The following PDZD2 variants were observed in gnomAD, a reference collection of about 807,000 sequenced individuals.
PDZD2 encodes PDZ domain-containing protein 2.
A neutral mutation model predicts 220.7 loss-of-function variants in PDZD2; 90 were observed. The observed-to-expected ratio is 0.41, with a 90% CI of 0.34 to 0.49. The LOEUF is 0.49. Ranked by LOEUF, PDZD2 falls within the 20% of genes least tolerant of loss-of-function variation. The pLI is 0.28. For synonymous variants in PDZD2, 1,375 were observed against 1,450.5 expected (o/e 0.95, Z 1.18); for missense variants, 3,174 against 3,608.5 (o/e 0.88, Z 3.08).
intron 2 of PDZD2, among the ~76,000 whole-genome samples, chr5:31,870,180 G>A (rs757432616): frequency 2.0e-5 from 3 of 152,046 alleles, no homozygotes; most frequent in East Asian, 1.9e-4. Context: ...GTACCATACC[G>A]TCTGAGTCAC....
At chr5:31,996,151 G>A (rs1751614335) in intron 4 of PDZD2, among the ~76,000 whole-genome samples, 1 of 152,128 alleles carries the variant, frequency 6.6e-6, no homozygotes, top group South Asian at 2.1e-4. Context: ...CATGCACTGG[G>A]GCTCCACTTG....
intron 17 of PDZD2, among the ~76,000 whole-genome samples, chr5:32,073,179 A>G (rs1581425114): frequency 1.3e-5 from 2 of 152,168 alleles, no homozygotes; most frequent in Admixed American, 1.3e-4. Flanking sequence ...GAGGCAGGCG[A>G]CGACCACTCT....
At chr5:31,716,455 T>TGTG (rs1282619309) in intron 1 of PDZD2, among the ~76,000 whole-genome samples, 2 of 152,024 alleles carry the variant, frequency 1.3e-5, no homozygotes, top group East Asian at 3.9e-4. Context: ...ATGTCTTTAT[T>TGTG]GTGGTTTTTG....
Position 31,962,534 on chromosome 5 carries a change from G to A in PDZD2, c.477-20621G>A, listed in dbSNP as rs182381916. 5.3e-5 allele frequency among the ~76,000 whole-genome samples: 8 copies of A among 152,324 alleles called. No homozygotes were observed. In the East Asian group the frequency reaches 1.5e-3, roughly 29 times the overall value. ...GAACCCCGTGGTTGAGTGGTGCTCT[G>A]CCCTTGGCAGTGCAGTGTCCTGGGC... On this transcript the variant is annotated intron_variant, in intron 2 of 24. Transcript: ENST00000438447.
At position 31,799,174 on chromosome 5, in the gene PDZD2, G is replaced by C; in HGVS notation, c.-75G>C. The C allele has an allele frequency of 1.0e-6, 1 of 960,822 alleles. No individual in the cohort carries two copies. The allele number at this position is 960,822 out of a possible 1,614,324, so 59.5% of individuals were successfully genotyped here. ...AGCTGATGATGGCCAGGGACCCCAGGGGACGTGGGGCCCTGTGGGGTCTGG... is the reference window on the plus strand; with the variant it reads ...AGCTGATGATGGCCAGGGACCCCAGCGGACGTGGGGCCCTGTGGGGTCTGG... On this transcript the variant is annotated 5_prime_UTR_variant, in exon 2 of 25. Transcript: ENST00000438447.
At chr5:31,918,526 C>T (rs1561073389) in intron 2 of PDZD2, among the ~76,000 whole-genome samples, 1 of 152,218 alleles carries the variant, frequency 6.6e-6, no homozygotes, top group Non-Finnish European at 1.5e-5. Flanking sequence ...CAGAAAAAGA[C>T]ACCTGGTGTT....
At chr5:31,641,358 A>G (rs1744939272) in intron 1 of PDZD2, among the ~76,000 whole-genome samples, 1 of 152,196 alleles carries the variant, frequency 6.6e-6, no homozygotes, top group Non-Finnish European at 1.5e-5. Context: ...TTTTGGGAGT[A>G]TGGAGGAAAA....
intron 14 of PDZD2, among the ~76,000 whole-genome samples, chr5:32,065,221 C>T (rs1740111650): frequency 6.6e-6 from 1 of 152,096 alleles, no homozygotes; most frequent in South Asian, 2.1e-4. Flanking sequence ...ATCACTTGTA[C>T]CTGCGAGGTG....
chr5:31,816,081 G>A (rs1375425771), intron 2 of PDZD2, among the ~76,000 whole-genome samples: 2 of 152,058 alleles, frequency 1.3e-5, no homozygotes, highest in African/African-American at 4.8e-5. Context: ...GAGGTCAGGA[G>A]ATCAAGACCA....
intron 2 of PDZD2, among the ~76,000 whole-genome samples, chr5:31,829,049 T>TG (rs1429753602): frequency 6.6e-6 from 1 of 152,230 alleles, no homozygotes; most frequent in African/African-American, 2.4e-5. Flanking sequence ...AGAGAGCTGT[T>TG]GGACAGGTCA....
intron 10 of PDZD2, among the ~76,000 whole-genome samples, chr5:32,056,567 A>C (rs1029088120): frequency 1.3e-5 from 2 of 152,170 alleles, no homozygotes; most frequent in Non-Finnish European, 2.9e-5. Context: ...AGTCAACAGG[A>C]TGTCCAAGTT....
chr5:31,981,172 T>A (rs553506985), intron 2 of PDZD2, among the ~76,000 whole-genome samples: 1 of 152,344 alleles, frequency 6.6e-6, no homozygotes, highest in South Asian at 2.1e-4. Flanking sequence ...TGCCTGTTTT[T>A]GTACATGTAA....
At chr5:31,771,422 G>T (rs1316034726) in intron 1 of PDZD2, among the ~76,000 whole-genome samples, 1 of 152,168 alleles carries the variant, frequency 6.6e-6, no homozygotes, top group African/African-American at 2.4e-5. Context: ...GGGCTGATGG[G>T]AGTGTTTTCG....
At chr5:32,025,155 G>A (rs1246114228) in intron 6 of PDZD2, among the ~76,000 whole-genome samples, 3 of 152,208 alleles carry the variant, frequency 2.0e-5, no homozygotes, top group Non-Finnish European at 4.4e-5. Flanking sequence ...GAAAAAGAAG[G>A]AAGGAAAGAA....
chr5:31,696,605 T>G (rs1747390232), intron 1 of PDZD2, among the ~76,000 whole-genome samples: 1 of 152,092 alleles, frequency 6.6e-6, no homozygotes. Context: ...CCTGGCCACC[T>G]CTCCTTAATT....
chr5:32,011,671 C>G (rs1180645589), intron 6 of PDZD2, among the ~76,000 whole-genome samples: 1 of 152,152 alleles, frequency 6.6e-6, no homozygotes, highest in African/African-American at 2.4e-5. Context: ...TCCCACTCTC[C>G]TGAACCTAGG....
intron 20 of PDZD2, 103 bp downstream of exon 20, chr5:32,091,278 ACT>A (rs2111565450): frequency 1.5e-4 from 79 of 539,432 alleles, no homozygotes; most frequent in South Asian, 2.0e-4. Context: ...GTTCCCACTT[ACT>A]TTTTTTTTTT....
At chr5:31,726,544 T>C (rs1749151673) in intron 1 of PDZD2, among the ~76,000 whole-genome samples, 1 of 152,096 alleles carries the variant, frequency 6.6e-6, no homozygotes, top group Non-Finnish European at 1.5e-5. Context: ...AAAAAGTATA[T>C]TACCCAGCAC....
chr5:31,818,890 AT>A (rs981853007), intron 2 of PDZD2, among the ~76,000 whole-genome samples: 5 of 152,134 alleles, frequency 3.3e-5, no homozygotes, highest in Non-Finnish European at 7.4e-5. Context: ...AACAGATATA[AT>A]TTTTTGTTTC....
Sources: gnomAD v4.1 joint callset for allele counts (sites outside exome capture counted in the v4.1 genomes callset) on GRCh38, gnomAD v4.1.1 for gene constraint, MANE v1.5 for transcripts, NCBI Gene and HGNC (gene_info 2026-07-23, HGNC 2026-07-21) for gene names.